RXFP1: variants seen among roughly 807,000 people sequenced by gnomAD.
RXFP1 encodes relaxin receptor 1.
RXFP1 carries 73 observed loss-of-function variants against 89.8 expected under a neutral mutation model. The ratio of observed to expected loss-of-function variants is 0.81; its 90% CI spans 0.67 to 0.99. The LOEUF is 0.99. RXFP1 is among the 50% of genes least tolerant of loss of function. The pLI is 0.00. For synonymous variants in RXFP1, 277 were observed against 305.5 expected, an observed-to-expected ratio of 0.91 and a Z score of 0.97; for missense variants, 793 against 895.5, an observed-to-expected ratio of 0.89 and a Z score of 1.46.
At chr4:158,540,516 G>A (rs146567406) in intron 1 of RXFP1, among the ~76,000 whole-genome samples, 4 of 151,576 alleles carry the variant, frequency 2.6e-5, no homozygotes, top group East Asian at 3.9e-4. Context: ...CTTCTGTACC[G>A]CAACCTGTTT....
chr4:158,647,757 C>T (rs1771846602), intron 16 of RXFP1, among the ~76,000 whole-genome samples: 2 of 151,914 alleles, frequency 1.3e-5, no homozygotes, highest in Admixed American at 1.3e-4. Context: ...GTGGCTCATA[C>T]CTGTAATCCC....
At chr4:158,528,472 T>C (rs971174243) in intron 1 of RXFP1, among the ~76,000 whole-genome samples, 2 of 151,958 alleles carry the variant, frequency 1.3e-5, no homozygotes, top group Non-Finnish European at 2.9e-5. Flanking sequence ...TGCACTGCAC[T>C]CCAGCCTAGG....
At chr4:158,551,391 C>T (rs1362346014) in intron 1 of RXFP1, among the ~76,000 whole-genome samples, 1 of 152,032 alleles carries the variant, frequency 6.6e-6, no homozygotes, top group African/African-American at 2.4e-5. Context: ...GTGACTGAAA[C>T]AAATAAGAAT....
chr4:158,648,424 AAT>A, intron 16 of RXFP1, 73 bp from the exon 17 acceptor site: 1 of 875,728 alleles, frequency 1.1e-6, no homozygotes. Context: ...TAATAATAAA[AAT>A]GTTTTATTTA....
At chr4:158,579,221 G>C (rs1756853100) in intron 2 of RXFP1, among the ~76,000 whole-genome samples, 1 of 151,960 alleles carries the variant, frequency 6.6e-6, no homozygotes, top group South Asian at 2.1e-4. Flanking sequence ...TGACACCTTG[G>C]TTGCAGACGT....
intron 1 of RXFP1, among the ~76,000 whole-genome samples, chr4:158,549,622 G>C (rs1463323215): frequency 6.6e-6 from 1 of 152,246 alleles, no homozygotes; most frequent in South Asian, 2.1e-4. Flanking sequence ...TGTACAGAGG[G>C]TTTTTGGTGT....
intron 1 of RXFP1, among the ~76,000 whole-genome samples, chr4:158,527,562 A>ATATATATATAT (rs1553989390): frequency 1.0e-3 from 7 of 6,894 alleles, no homozygotes; most frequent in Non-Finnish European, 0.01. Flanking sequence ...CAAAAAAAAA[A>ATATATATATAT]AAATATATAT....
At chr4:158,606,750 C>CA (rs1762601391) in intron 5 of RXFP1, among the ~76,000 whole-genome samples, 1 of 138,024 alleles carries the variant, frequency 7.2e-6, no homozygotes, top group Non-Finnish European at 1.6e-5. Context: ...CACCTGGCTC[C>CA]TTTTTTTTTT....
At chr4:158,561,439 C>T (rs1752401667) in intron 1 of RXFP1, among the ~76,000 whole-genome samples, 1 of 152,024 alleles carries the variant, frequency 6.6e-6, no homozygotes, top group South Asian at 2.1e-4. Context: ...AACTTACTAT[C>T]AGGCCATGTG....
intron 4 of RXFP1, among the ~76,000 whole-genome samples, chr4:158,601,110 A>G (rs1276280114): frequency 3.9e-5 from 6 of 152,060 alleles, no homozygotes; most frequent in African/African-American, 1.4e-4. Flanking sequence ...GAATCATTGA[A>G]TTAATTCCCA....
At chr4:158,604,365 T>A (rs959272717) in intron 4 of RXFP1, among the ~76,000 whole-genome samples, 1 of 152,196 alleles carries the variant, frequency 6.6e-6, no homozygotes, top group Non-Finnish European at 1.5e-5. Flanking sequence ...GTGTGATTCA[T>A]GCAAGGATCC....
intron 17 of RXFP1, 24 bp downstream of exon 17, chr4:158,648,741 A>G: frequency 7.5e-7 from 1 of 1,332,006 alleles, no homozygotes; most frequent in Non-Finnish European, 1.1e-6. Context: ...TAATCTCCTT[A>G]AAGAAATAAT....
In RXFP1 at chr4:158,617,246, TTC is replaced by T. The variant is rs1352786257; in HGVS notation, c.755+43_755+44del. 5 of 1,480,564 alleles carry T rather than the reference TTC, an allele frequency of 3.4e-6. No homozygotes were observed. The African/African-American group carries it at 7.0e-5, about 21-fold the overall frequency. The allele number at this position is 1,480,564 out of a possible 1,614,324, so 91.7% of individuals were successfully genotyped here. A position where few individuals can be genotyped will look rare whatever the true frequency, so the allele number is the denominator to read the frequency against. On this transcript the variant is annotated intron_variant, in intron 9 of 17. Coordinates refer to ENST00000307765, the MANE Select transcript of RXFP1 (RefSeq NM_021634.4). ...TTTTTTTAAAGAACTCAACTAAATT[TTC>T]TGTTTTTACCTAATTCATTCCAGAT...
chr4:158,585,864 C>T (rs1186249161), intron 2 of RXFP1, among the ~76,000 whole-genome samples: 2 of 152,216 alleles, frequency 1.3e-5, no homozygotes, highest in Non-Finnish European at 2.9e-5. Context: ...GGACCACCCA[C>T]ATTAATCTTA....
In RXFP1 at chr4:158,528,778, T is replaced by C. The variant is rs530330946; in HGVS notation, c.49+6753T>C. 1.7e-4 allele frequency among the ~76,000 whole-genome samples: 26 copies of C among 152,362 alleles called. 1 individual carries two copies. The South Asian group carries it at 5.2e-3, about 30-fold the overall frequency. On this transcript the variant is annotated intron_variant, in intron 1 of 17. Coordinates refer to ENST00000307765, the MANE Select transcript of RXFP1 (RefSeq NM_021634.4). ...TTGCCAACTTCTCAGGAGTAATTTA[T>C]AGACTATCAGAATCTCTCAGACACT...
intron 14 of RXFP1, among the ~76,000 whole-genome samples, chr4:158,641,239 G>T (rs1235258337): frequency 3.3e-5 from 5 of 152,108 alleles, no homozygotes; most frequent in Non-Finnish European, 4.4e-5. Context: ...AGAATCTGAG[G>T]AATAATTTAT....
intron 2 of RXFP1, 171 bp downstream of exon 2, chr4:158,573,006 TTTC>T (rs1335933218): frequency 9.4e-7 from 1 of 1,062,750 alleles, no homozygotes; most frequent in East Asian, 2.9e-5. Context: ...ACTCTTTTCT[TTTC>T]TTGTTTTTGT....
chr4:158,525,219 C>CGGGG (rs61683066), intron 1 of RXFP1, among the ~76,000 whole-genome samples: 2 of 138,136 alleles, frequency 1.4e-5, no homozygotes, highest in Non-Finnish European at 3.1e-5. Context: ...TATACTTTGG[C>CGGGG]GGGGGGGGGT....
chr4:158,617,846 A>G (rs149259143), intron 9 of RXFP1, among the ~76,000 whole-genome samples: 4 of 152,278 alleles, frequency 2.6e-5, no homozygotes, highest in African/African-American at 9.6e-5. Context: ...CTCTTATTTT[A>G]TAAGAAATTC....
Sources: gnomAD v4.1 joint callset for allele counts (sites outside exome capture counted in the v4.1 genomes callset) on GRCh38, gnomAD v4.1.1 for gene constraint, MANE v1.5 for transcripts, NCBI Gene and HGNC (gene_info 2026-07-23, HGNC 2026-07-21) for gene names.